Variants in PYHIN1 observed in about 807,000 individuals in gnomAD.
PYHIN1 encodes the protein pyrin and HIN domain-containing protein 1.
In PYHIN1, 32 loss-of-function variants were observed where a neutral mutation model predicts 43.7. The observed-to-expected ratio is 0.73, with a 90% CI of 0.55 to 0.98. PYHIN1 has a LOEUF of 0.98. Among genes scored for constraint, PYHIN1 ranks in the 50% least tolerant of loss-of-function variants. The pLI is 0.00. For synonymous variants in PYHIN1, 205 were observed against 203.1 expected (o/e 1.01, Z -0.08); for missense variants, 588 against 589.5 (o/e 1.00, Z 0.03).
At chr1:158,938,362 T>C in intron 2 of PYHIN1, 35 bp from the exon 3 acceptor site, 1 of 1,612,638 alleles carries the variant, frequency 6.2e-7, no homozygotes. Context: ...GATCATCTGC[T>C]CTGGGTTTAT....
rs745424149 is a variant in PYHIN1 at position 158,945,051 on chromosome 1, T to A, written c.1359+9T>A. Reference sequence around the variant, plus strand: ...GCAGTTCCTTCACCAAGGTACAATATCCTGGGTCCCATGACTCTTATCTCC... The same window carrying A: ...GCAGTTCCTTCACCAAGGTACAATAACCTGGGTCCCATGACTCTTATCTCC... On this transcript the variant is annotated intron_variant, in intron 7 of 8. Coordinates refer to ENST00000368140, the MANE Select transcript of PYHIN1 (RefSeq NM_152501.5). 6.2e-7 allele frequency: 1 copy of A among 1,605,314 alleles called. No individual in the cohort carries two copies. The highest frequency in any genetic ancestry group is 8.5e-7 in the Non-Finnish European group (1 of 1,176,648).
At chr1:158,962,904 G>T (rs1650409105) in intron 7 of PYHIN1, among the ~76,000 whole-genome samples, 1 of 151,980 alleles carries the variant, frequency 6.6e-6, no homozygotes, top group African/African-American at 2.4e-5. Flanking sequence ...CCACAGCAGT[G>T]GTTCTGCCCC....
intron 7 of PYHIN1, among the ~76,000 whole-genome samples, chr1:158,950,416 G>T (rs1291186299): frequency 6.6e-6 from 1 of 152,100 alleles, no homozygotes; most frequent in Non-Finnish European, 1.5e-5. Context: ...GTCCTGCAGG[G>T]TTAGTTCCTT....
intron 2 of PYHIN1, 33 bp from the exon 3 acceptor site, chr1:158,938,364 T>C (rs758193865): frequency 1.2e-6 from 2 of 1,612,096 alleles, no homozygotes; most frequent in South Asian, 1.1e-5. Flanking sequence ...TCATCTGCTC[T>C]GGGTTTATAC....
chr1:158,945,581 G>A (rs1557829289), intron 7 of PYHIN1, among the ~76,000 whole-genome samples: 1 of 152,314 alleles, frequency 6.6e-6, no homozygotes, highest in East Asian at 1.9e-4. Flanking sequence ...TAGCAGAACT[G>A]TTGAGTCCTC....
intron 1 of PYHIN1, among the ~76,000 whole-genome samples, chr1:158,932,593 CAT>C (rs1296650002): frequency 1.3e-5 from 2 of 152,254 alleles, no homozygotes; most frequent in Admixed American, 6.5e-5. Context: ...CACACAAAAA[CAT>C]ATGTGAGAAC....
chr1:158,955,070 C>T (rs1315206288), intron 7 of PYHIN1, among the ~76,000 whole-genome samples: 1 of 151,908 alleles, frequency 6.6e-6, no homozygotes, highest in Admixed American at 6.5e-5. Context: ...AATATATATG[C>T]ACCCAATACA....
chr1:158,972,539 A>T (rs1650993050), intron 7 of PYHIN1, among the ~76,000 whole-genome samples: 1 of 151,992 alleles, frequency 6.6e-6, no homozygotes, highest in Non-Finnish European at 1.5e-5. Flanking sequence ...GGAGGAGAGT[A>T]CACAAAGATG....
chr1:158,968,739 G>A (rs761876448), intron 7 of PYHIN1, among the ~76,000 whole-genome samples: 2 of 150,214 alleles, frequency 1.3e-5, no homozygotes, highest in Non-Finnish European at 2.9e-5. Context: ...TGTGGCACAT[G>A]CACACCATGG....
chr1:158,949,023 C>T (rs1339302627), intron 7 of PYHIN1, among the ~76,000 whole-genome samples: 1 of 152,086 alleles, frequency 6.6e-6, no homozygotes, highest in Non-Finnish European at 1.5e-5. Flanking sequence ...AGTGTGATTA[C>T]AAGTGAAGGC....
chr1:158,986,787 G>A, the PYHIN1 span, among the ~76,000 whole-genome samples: 2 of 152,254 alleles, frequency 1.3e-5, no homozygotes, highest in South Asian at 4.2e-4. Flanking sequence ...AGCCATTCCT[G>A]TGCCAAACCC....
rs764929152 is a variant in PYHIN1, at chr1:158,941,998, C to G, written c.601C>G (p.Arg201Gly). ...GCAGAGCCTAAAACCATTGGCCAAC[C>G]GTCACGCAACTGCCAGTAAAAATAT... The part of the protein sequence containing the change: ...STESLKPLAN[R>G]HATASKNIFR... The change falls in exon 5 of 9, where the codon CGT (arginine) becomes GGT (glycine). Residue 201 changes from arginine to glycine, a missense_variant. Coordinates refer to ENST00000368140, the MANE Select transcript of PYHIN1 (RefSeq NM_152501.5). 2 of 1,607,300 alleles carry G rather than the reference C, an allele frequency of 1.2e-6. No homozygotes were observed. The highest frequency in any genetic ancestry group is 2.2e-5 in the East Asian group (1 of 44,832).
the PYHIN1 span, among the ~76,000 whole-genome samples, chr1:158,986,028 G>A: frequency 1.3e-5 from 2 of 152,168 alleles, no homozygotes; most frequent in East Asian, 3.9e-4. Flanking sequence ...TTCTTAAAAT[G>A]GCTATTTTAT....
At chr1:158,934,931 T>C (rs1648428040) in intron 1 of PYHIN1, among the ~76,000 whole-genome samples, 1 of 152,156 alleles carries the variant, frequency 6.6e-6, no homozygotes, top group Admixed American at 6.6e-5. Context: ...GGTTTCACCA[T>C]GTTGGCCAGG....
intron 8 of PYHIN1, 72 bp from the exon 9 acceptor site, chr1:158,976,629 G>A: frequency 8.8e-7 from 1 of 1,135,502 alleles, no homozygotes; most frequent in Non-Finnish European, 1.3e-6. Flanking sequence ...AGGAGAGGCA[G>A]TGTGATTGAA....
chr1:158,990,856 G>T, the PYHIN1 span, among the ~76,000 whole-genome samples: 10 of 152,282 alleles, frequency 6.6e-5, no homozygotes, highest in African/African-American at 2.4e-4. Context: ...GGTGGGACCA[G>T]GGGCCAGTTT....
intron 4 of PYHIN1, chr1:158,939,523 G>A: frequency 6.5e-7 from 1 of 1,550,358 alleles, no homozygotes; most frequent in South Asian, 1.2e-5. Flanking sequence ...ACTGTCTACT[G>A]CCCCCATCTA....
chr1:158,976,664 T>C, intron 8 of PYHIN1, 37 bp from the exon 9 acceptor site: 1 of 1,545,202 alleles, frequency 6.5e-7, no homozygotes, highest in South Asian at 1.2e-5. Context: ...ACTCCCTGCA[T>C]CTCAACGGGT....
At position 158,973,715 on chromosome 1, in the gene PYHIN1, C is replaced by T. The variant is rs775771769; in HGVS notation, c.1428C>T (p.Ala476=). The T allele has an allele frequency of 3.1e-6, 5 of 1,613,228 alleles. No homozygotes were observed. Among genetic ancestry groups the T allele is most frequent in the Non-Finnish European group, 2.5e-6 (3 of 1,179,534 alleles). The change falls in exon 8 of 9, where the codon GCC becomes GCT. Residue 476 remains alanine, a synonymous_variant. Coordinates refer to ENST00000368140, the MANE Select transcript of PYHIN1 (RefSeq NM_152501.5). The part of the protein sequence containing the change: ...ANFRITSPTV[A]PPLSSDTSTN... ...TTAGAATCACCTCACCAACTGTGGCCCCTCCTCTTTCTTCTGACACTTCCA... is the reference window on the plus strand; with the variant it reads ...TTAGAATCACCTCACCAACTGTGGCTCCTCCTCTTTCTTCTGACACTTCCA...
Sources: allele counts gnomAD v4.1 joint callset (sites outside exome capture counted in the v4.1 genomes callset), GRCh38; gene constraint gnomAD v4.1.1; transcripts MANE v1.5; gene names NCBI Gene and HGNC (gene_info 2026-07-23, HGNC 2026-07-21).